ESRP1: variants seen among roughly 807,000 people sequenced by gnomAD.
ESRP1 encodes the protein epithelial splicing regulatory protein 1, also known as RNA-binding motif protein 35A.
Under a neutral mutation model 81.7 loss-of-function variants are expected in ESRP1, and 33 were observed. The ratio of observed to expected loss-of-function variants is 0.40; its 90% CI spans 0.31 to 0.54. The LOEUF is 0.54. Ranked by LOEUF, ESRP1 falls within the 20% of genes least tolerant of loss-of-function variation. ESRP1 has a pLI of 0.41. For missense variants in ESRP1, 672 were observed against 833.1 expected, an observed-to-expected ratio of 0.81 and a Z score of 2.38; for synonymous variants, 320 against 303.3, an observed-to-expected ratio of 1.06 and a Z score of -0.57.
intron 14 of ESRP1, among the ~76,000 whole-genome samples, chr8:94,693,464 A>C (rs916842962): frequency 1.3e-5 from 2 of 152,224 alleles, no homozygotes; most frequent in Admixed American, 6.5e-5. Context: ...ATTTTTAGTA[A>C]GAGTTCTTTA....
At chr8:94,672,536 CTT>C (rs556057261) in intron 11 of ESRP1, among the ~76,000 whole-genome samples, 2 of 145,954 alleles carry the variant, frequency 1.4e-5, no homozygotes, top group African/African-American at 2.5e-5. Context: ...AACTTTGGAA[CTT>C]TTTTTTTTTT....
chr8:94,665,618 A>G (rs571269767), intron 9 of ESRP1, among the ~76,000 whole-genome samples: 16 of 152,172 alleles, frequency 1.1e-4, no homozygotes, highest in African/African-American at 3.4e-4. Context: ...CCGCCTCCGT[A>G]GTGGCTGGGT....
chr8:94,659,407 T>C (rs1236891707), intron 4 of ESRP1, among the ~76,000 whole-genome samples: 1 of 152,190 alleles, frequency 6.6e-6, no homozygotes, highest in Non-Finnish European at 1.5e-5. Flanking sequence ...GCAAACTTAA[T>C]TGGTCAGTGT....
intron 14 of ESRP1, among the ~76,000 whole-genome samples, chr8:94,695,035 T>C (rs909035790): frequency 6.6e-6 from 1 of 152,222 alleles, no homozygotes; most frequent in African/African-American, 2.4e-5. Context: ...CATTCTTACA[T>C]AAAACGTGTA....
At chr8:94,641,886 C>A (rs994026961) in intron 1 of ESRP1, 70 bp from the exon 2 acceptor site, 2 of 1,581,570 alleles carry the variant, frequency 1.3e-6, no homozygotes, top group Admixed American at 1.7e-5. Context: ...AGCAGGGGAG[C>A]GAGGGAGGAG....
rs143005879 is a variant in ESRP1, at chr8:94,691,833, C to T, written c.1821-844C>T. 1.1e-4 allele frequency among the ~76,000 whole-genome samples: 17 copies of T among 152,124 alleles called. No homozygotes were observed. In the East Asian group the frequency reaches 3.3e-3, roughly 29 times the overall value. ...TTTTAAAAAATTCCCTATATATTTT[C>T]AATTATGAGTTTTAATTATATTAAA... On this transcript the variant is annotated intron_variant, in intron 13 of 15. Transcript: ENST00000433389.
At chr8:94,643,767 G>A (rs1048403047) in intron 3 of ESRP1, among the ~76,000 whole-genome samples, 4 of 152,090 alleles carry the variant, frequency 2.6e-5, no homozygotes, top group Non-Finnish European at 1.5e-5. Flanking sequence ...CTTTTCCGAA[G>A]CTAATACAGA....
chr8:94,649,776 G>A (rs1258556792), intron 4 of ESRP1: 1 of 152,376 alleles, frequency 6.6e-6, no homozygotes, highest in East Asian at 1.9e-4. Flanking sequence ...GCCTCCCAAA[G>A]TGCTGGGATT....
chr8:94,670,271 T>C (rs1458275737), intron 10 of ESRP1, among the ~76,000 whole-genome samples: 3 of 152,244 alleles, frequency 2.0e-5, no homozygotes, highest in African/African-American at 4.8e-5. Context: ...CACCTCTTAA[T>C]TGTCAGGTAT....
At chr8:94,649,819 T>C (rs1412911134) in intron 4 of ESRP1, among the ~76,000 whole-genome samples, 1 of 152,136 alleles carries the variant, frequency 6.6e-6, no homozygotes, top group Non-Finnish European at 1.5e-5. Context: ...GACCCCAACT[T>C]TATTTTTTAG....
chr8:94,705,574 T>C (rs2130751888), intron 15 of ESRP1: 1 of 181,746 alleles, frequency 5.5e-6, no homozygotes, highest in South Asian at 1.9e-4. Context: ...GGTAATGATA[T>C]TGAACCTCTA....
At chr8:94,645,746 A>G (rs1293851904) in intron 3 of ESRP1, among the ~76,000 whole-genome samples, 2 of 152,196 alleles carry the variant, frequency 1.3e-5, no homozygotes, top group African/African-American at 4.8e-5. Flanking sequence ...AGTTAGAACT[A>G]CCCAGTTTTA....
At chr8:94,672,246 G>A (rs1347601866) in intron 11 of ESRP1, among the ~76,000 whole-genome samples, 1 of 151,836 alleles carries the variant, frequency 6.6e-6, no homozygotes, top group Non-Finnish European at 1.5e-5. Flanking sequence ...ACATTCAATA[G>A]GAACCAAACT....
intron 13 of ESRP1, among the ~76,000 whole-genome samples, chr8:94,689,886 A>G (rs1290685066): frequency 2.1e-5 from 3 of 141,410 alleles, no homozygotes; most frequent in African/African-American, 8.1e-5. Context: ...GCGCCATCTC[A>G]GCTCACTGCA....
chr8:94,665,949 T>G (rs1017412787), intron 9 of ESRP1, among the ~76,000 whole-genome samples: 1 of 152,228 alleles, frequency 6.6e-6, no homozygotes, highest in African/African-American at 2.4e-5. Context: ...TATTTTTGGA[T>G]GTGTATTTAC....
At chr8:94,683,210 C>T (rs979237680) in intron 13 of ESRP1, among the ~76,000 whole-genome samples, 19 of 151,876 alleles carry the variant, frequency 1.3e-4, no homozygotes, top group Non-Finnish European at 2.5e-4. Context: ...TCCCAAAGTG[C>T]TGGGATTACA....
At chr8:94,660,728 A>C (rs1251133773) in intron 4 of ESRP1, among the ~76,000 whole-genome samples, 1 of 133,398 alleles carries the variant, frequency 7.5e-6, no homozygotes, top group African/African-American at 2.5e-5. Flanking sequence ...AAAAAAAAAA[A>C]AAAAAAAAAA....
At chr8:94,696,711 A>T in intron 14 of ESRP1, 141 bp from the exon 15 acceptor site, 1 of 573,196 alleles carries the variant, frequency 1.7e-6, no homozygotes, top group Non-Finnish European at 3.0e-6. Context: ...GTTAGTAGAT[A>T]TGTATATGGC....
intron 14 of ESRP1, among the ~76,000 whole-genome samples, chr8:94,695,407 T>G (rs1156923920): frequency 2.5e-5 from 3 of 121,592 alleles, no homozygotes; most frequent in Non-Finnish European, 3.2e-5. Flanking sequence ...CAGGCTGGAG[T>G]GCAGTGGCGC....
Sources: gnomAD v4.1 joint callset for allele counts (sites outside exome capture counted in the v4.1 genomes callset) on GRCh38, gnomAD v4.1.1 for gene constraint, MANE v1.5 for transcripts, NCBI Gene and HGNC (gene_info 2026-07-23, HGNC 2026-07-21) for gene names.